Variants in ROBO1 observed in about 807,000 individuals in gnomAD.
The protein encoded by ROBO1 is roundabout homolog 1.
Under a neutral mutation model 195.9 loss-of-function variants are expected in ROBO1, and 149 were observed. The observed-to-expected ratio is 0.76, with a 90% CI of 0.67 to 0.87. The LOEUF is 0.87. Among genes scored for constraint, ROBO1 ranks in the 40% least tolerant of loss-of-function variants. The pLI, the probability that ROBO1 is intolerant of heterozygous loss-of-function variation, is 0.00. For synonymous variants in ROBO1, 816 were observed against 733.2 expected, an observed-to-expected ratio of 1.11 and a Z score of -1.82; for missense variants, 1,933 against 2,068.3, an observed-to-expected ratio of 0.93 and a Z score of 1.27.
In ROBO1 at chr3:78,770,528, C is replaced by G. The variant is rs141647053; in HGVS notation, c.500-23628G>C. 1.2e-3 allele frequency among the ~76,000 whole-genome samples: 180 copies of G among 152,280 alleles called. 1 individual carries two copies. Among genetic ancestry groups the G allele is most frequent in the African/African-American group, 4.1e-3 (171 of 41,554 alleles). ...CTCCTTATAGATTCTGAATACAAGA[C>G]TCTTGTCAGATACACAAATTGCAAA... On this transcript the variant is annotated intron_variant, in intron 4 of 30. Coordinates refer to ENST00000464233, the MANE Select transcript of ROBO1 (RefSeq NM_002941.4).
At chr3:79,126,099 C>T (rs576588231) in intron 2 of ROBO1, among the ~76,000 whole-genome samples, 6 of 152,164 alleles carry the variant, frequency 3.9e-5, no homozygotes, top group Admixed American at 3.3e-4. Context: ...CGGAAGAAAA[C>T]GGTGCAACAT....
At chr3:78,881,120 C>CTCAA (rs1207982925) in intron 4 of ROBO1, among the ~76,000 whole-genome samples, 1 of 152,150 alleles carries the variant, frequency 6.6e-6, no homozygotes, top group Non-Finnish European at 1.5e-5. Flanking sequence ...CCAGTAGAGG[C>CTCAA]TCAATGCTTC....
chr3:79,094,614 AT>A (rs922747804), intron 3 of ROBO1, among the ~76,000 whole-genome samples: 1 of 152,128 alleles, frequency 6.6e-6, no homozygotes, highest in Non-Finnish European at 1.5e-5. Flanking sequence ...GTCAGGTTTT[AT>A]TTTTTTCAAC....
intron 4 of ROBO1, among the ~76,000 whole-genome samples, chr3:78,794,618 C>A (rs1465728520): frequency 6.6e-6 from 1 of 152,170 alleles, no homozygotes; most frequent in Non-Finnish European, 1.5e-5. Context: ...CACTTTGTCA[C>A]CCAGACTGGA....
At chr3:79,673,878 T>C (rs1216488332) in intron 1 of ROBO1, among the ~76,000 whole-genome samples, 1 of 151,996 alleles carries the variant, frequency 6.6e-6, no homozygotes, top group African/African-American at 2.4e-5. Context: ...TGGATTACCA[T>C]AAGCTCAGAT....
intron 2 of ROBO1, among the ~76,000 whole-genome samples, chr3:79,149,844 C>CTTTTATAAGGCTTAGGCT (rs2080731096): frequency 6.6e-6 from 1 of 151,702 alleles, no homozygotes. Flanking sequence ...TACGTTAGGC[C>CTTTTATAAGGCTTAGGCT]CTTATAAAAG....
chr3:79,764,944 C>T (rs985676320), intron 1 of ROBO1, among the ~76,000 whole-genome samples: 3 of 152,168 alleles, frequency 2.0e-5, no homozygotes, highest in African/African-American at 7.2e-5. Context: ...GAGTCTCTCC[C>T]CTCCTCCCAT....
At chr3:78,916,512 A>G (rs1316985694) in intron 4 of ROBO1, among the ~76,000 whole-genome samples, 2 of 149,684 alleles carry the variant, frequency 1.3e-5, no homozygotes, top group African/African-American at 4.9e-5. Flanking sequence ...AGATCATACC[A>G]CTGCACTCCA....
In ROBO1 at chr3:79,125,460, A is replaced by G. The variant is rs773201308; in HGVS notation, c.168T>C (p.Tyr56=). The G allele has an allele frequency of 1.2e-6, 2 of 1,613,302 alleles. No individual in the cohort carries two copies. Among genetic ancestry groups the G allele is most frequent in the Admixed American group, 3.3e-5 (2 of 59,946 alleles). ...TTTGGGAAAGAGACACTCTACCTGT[A>G]TAGCCCAGCGAATTGTCATCGTTAT... is the stretch of plus-strand genomic sequence containing the variant. The part of the protein sequence containing the change: ...TSDNDDNSLG[Y]TGSRLRQEDF... Residue 56 remains tyrosine, a synonymous_variant, in exon 3 of 31, where the codon TAT becomes TAC. Coordinates refer to ENST00000464233, the MANE Select transcript of ROBO1 (RefSeq NM_002941.4).
chr3:79,194,407 C>T (rs1344209108), intron 2 of ROBO1, among the ~76,000 whole-genome samples: 1 of 151,574 alleles, frequency 6.6e-6, no homozygotes, highest in Non-Finnish European at 1.5e-5. Context: ...GTGATTAGGT[C>T]ACAATAGCAT....
intron 1 of ROBO1, among the ~76,000 whole-genome samples, chr3:79,657,431 T>C (rs1410921584): frequency 2.0e-5 from 3 of 152,020 alleles, no homozygotes; most frequent in East Asian, 1.9e-4. Flanking sequence ...TTTTGATGAA[T>C]GTAAAAGACT....
chr3:79,678,954 T>C (rs1946863616), intron 1 of ROBO1, among the ~76,000 whole-genome samples: 1 of 152,070 alleles, frequency 6.6e-6, no homozygotes, highest in Admixed American at 6.6e-5. Context: ...GGACACTTAA[T>C]GAATACTATG....
At chr3:79,233,340 T>C (rs2082352528) in intron 2 of ROBO1, among the ~76,000 whole-genome samples, 1 of 152,110 alleles carries the variant, frequency 6.6e-6, no homozygotes, top group African/African-American at 2.4e-5. Context: ...CAAGGAAATA[T>C]AATCACAGAA....
chr3:79,762,177 C>T (rs373516744), intron 1 of ROBO1, among the ~76,000 whole-genome samples: 1 of 152,030 alleles, frequency 6.6e-6, no homozygotes, highest in South Asian at 2.1e-4. Context: ...AATATCAAGG[C>T]GCTGGAAGAT....
chr3:79,765,101 C>T (rs1055708380), intron 1 of ROBO1, among the ~76,000 whole-genome samples: 1 of 152,192 alleles, frequency 6.6e-6, no homozygotes, highest in Admixed American at 6.5e-5. Context: ...ATGTGATTAA[C>T]AGCTGTTTTC....
intron 28 of ROBO1, among the ~76,000 whole-genome samples, chr3:78,608,458 A>C (rs1703597675): frequency 6.6e-6 from 1 of 152,196 alleles, no homozygotes; most frequent in Non-Finnish European, 1.5e-5. Flanking sequence ...AGTAGTCATA[A>C]AATTTGATAT....
At chr3:78,879,206 T>C (rs1219240466) in intron 4 of ROBO1, among the ~76,000 whole-genome samples, 6 of 152,222 alleles carry the variant, frequency 3.9e-5, no homozygotes, top group East Asian at 1.9e-4. Flanking sequence ...TGGATGCAGA[T>C]ATTTATAACA....
In ROBO1 at chr3:79,031,360, TG is replaced by T. The variant is rs1205991674; in HGVS notation, c.173-92434del. Reference sequence around the variant, plus strand: ...CAGGAAAAAAACCACATGAATAACATGTATTATTCCTCTTCCAGTGATCTAC... The same window carrying T: ...CAGGAAAAAAACCACATGAATAACATTATTATTCCTCTTCCAGTGATCTAC... On this transcript the variant is annotated intron_variant, in intron 3 of 30. Transcript: ENST00000464233. Among the ~76,000 whole-genome samples, 3 of 152,312 alleles carry T rather than the reference TG, an allele frequency of 2.0e-5. No homozygotes were observed. The East Asian group carries it at 5.8e-4, about 29-fold the overall frequency.
rs1210494311 is a variant in ROBO1 at position 78,711,419 on chromosome 3, CTTT to C, written c.1045+2975_1045+2977del. Reference sequence around the variant, plus strand: ...CCTTCCTTTCTTTCTTTCTTTCTTTCTTTCTTTCTTTCTTTCTTTCTTTCCTTC... The same window carrying C: ...CCTTCCTTTCTTTCTTTCTTTCTTTCCTTTCTTTCTTTCTTTCTTTCCTTC... On this transcript the variant is annotated intron_variant, in intron 8 of 30. Transcript: ENST00000464233. Among the ~76,000 whole-genome samples, 72 of 96,376 alleles carry C rather than the reference CTTT, an allele frequency of 7.5e-4. 3 individuals are homozygous for C. Among genetic ancestry groups the C allele is most frequent in the African/African-American group, 2.0e-3 (43 of 21,086 alleles). The allele number at this position is 96,376 out of a possible 152,430, so 63.2% of individuals were successfully genotyped here.
Sources: allele counts gnomAD v4.1 joint callset (sites outside exome capture counted in the v4.1 genomes callset), GRCh38; gene constraint gnomAD v4.1.1; transcripts MANE v1.5; gene names NCBI Gene and HGNC (gene_info 2026-07-23, HGNC 2026-07-21).